The following TENM3 variants were observed in gnomAD, a reference collection of about 807,000 sequenced individuals.
The protein encoded by TENM3 is teneurin-3.
TENM3 carries 63 observed loss-of-function variants against 255.1 expected under a neutral mutation model. The observed-to-expected ratio is 0.25, with a 90% CI of 0.20 to 0.30. The LOEUF (loss-of-function observed/expected upper bound fraction) is 0.30, where lower values mean the gene tolerates loss of function less well. TENM3 is among the 10% of genes least tolerant of loss of function. TENM3 has a pLI of 1.00. For synonymous variants in TENM3, 1,306 were observed against 1,322.3 expected (o/e 0.99, Z 0.27); for missense variants, 2,929 against 3,461.1 (o/e 0.85, Z 3.86).
At chr4:182,281,057 T>C (rs1760352463) in intron 1 of TENM3, among the ~76,000 whole-genome samples, 1 of 152,190 alleles carries the variant, frequency 6.6e-6, no homozygotes, top group African/African-American at 2.4e-5. Flanking sequence ...ACTCCTCCTG[T>C]TCCCCTTTAA....
the TENM3 span, among the ~76,000 whole-genome samples, chr4:181,700,432 G>A: frequency 6.6e-6 from 1 of 152,120 alleles, no homozygotes; most frequent in Non-Finnish European, 1.5e-5. Context: ...TATAAGGGGA[G>A]GAGAAAATAT....
chr4:182,066,057 C>G, the TENM3 span, among the ~76,000 whole-genome samples: 1 of 152,078 alleles, frequency 6.6e-6, no homozygotes, highest in East Asian at 1.9e-4. Flanking sequence ...CTACGTTTAA[C>G]TTTTTGATGA....
At chr4:182,774,887 T>C in intron 23 of TENM3, 31 bp from the exon 24 acceptor site, 1 of 1,489,536 alleles carries the variant, frequency 6.7e-7, no homozygotes, top group Non-Finnish European at 9.3e-7. Flanking sequence ...CCATATCTAA[T>C]AGTTCATGTT....
intron 1 of TENM3, among the ~76,000 whole-genome samples, chr4:182,181,991 A>G (rs1045706660): frequency 6.6e-6 from 1 of 152,114 alleles, no homozygotes; most frequent in Admixed American, 6.5e-5. Context: ...GCACATGCCC[A>G]TATGTTCAGG....
chr4:181,849,715 C>T, the TENM3 span, among the ~76,000 whole-genome samples: 1 of 152,070 alleles, frequency 6.6e-6, no homozygotes, highest in Non-Finnish European at 1.5e-5. Flanking sequence ...ATTATACAGA[C>T]ATCATTGGAA....
the TENM3 span, among the ~76,000 whole-genome samples, chr4:181,892,457 A>G: frequency 5.9e-5 from 9 of 152,250 alleles, no homozygotes; most frequent in African/African-American, 1.9e-4. Flanking sequence ...CATGTATTCC[A>G]TTTGTTAAAA....
At chr4:181,825,661 A>G in the TENM3 span, among the ~76,000 whole-genome samples, 4 of 152,214 alleles carry the variant, frequency 2.6e-5, no homozygotes, top group Non-Finnish European at 5.9e-5. Context: ...TTCTATTGAC[A>G]GTAAAATACC....
chr4:182,484,717 T>C (rs948440876), intron 3 of TENM3, among the ~76,000 whole-genome samples: 15 of 152,176 alleles, frequency 9.9e-5, no homozygotes, highest in African/African-American at 3.6e-4. Context: ...TTAAAAGTTA[T>C]GCAAATTGGT....
At chr4:182,316,773 T>C (rs1762774199) in intron 1 of TENM3, among the ~76,000 whole-genome samples, 1 of 152,144 alleles carries the variant, frequency 6.6e-6, no homozygotes, top group African/African-American at 2.4e-5. Flanking sequence ...GAATTCTTTC[T>C]CCAAGTGGCT....
chr4:181,831,503 A>AC, the TENM3 span, among the ~76,000 whole-genome samples: 1 of 151,894 alleles, frequency 6.6e-6, no homozygotes. Flanking sequence ...ATGTGCCAAA[A>AC]AAAAAAAAAC....
intron 18 of TENM3, among the ~76,000 whole-genome samples, chr4:182,741,659 A>G (rs1761615363): frequency 6.6e-6 from 1 of 152,240 alleles, no homozygotes; most frequent in Admixed American, 6.5e-5. Context: ...CTTAGATATC[A>G]CTAATGCATT....
At chr4:182,358,438 C>T (rs935140641) in intron 3 of TENM3, among the ~76,000 whole-genome samples, 1 of 151,972 alleles carries the variant, frequency 6.6e-6, no homozygotes, top group Non-Finnish European at 1.5e-5. Context: ...CTTCACATCC[C>T]TTGTAAGGTG....
At chr4:181,624,742 A>T in the TENM3 span, among the ~76,000 whole-genome samples, 3 of 152,162 alleles carry the variant, frequency 2.0e-5, no homozygotes, top group African/African-American at 7.2e-5. Flanking sequence ...AATAAGCACA[A>T]TTGACTTGCC....
chr4:181,938,891 G>C, the TENM3 span, among the ~76,000 whole-genome samples: 7 of 152,158 alleles, frequency 4.6e-5, no homozygotes, highest in African/African-American at 1.4e-4. Flanking sequence ...AGGGCTTTTG[G>C]AAAAGGCTCA....
At chr4:182,389,100 T>C (rs540775721) in intron 3 of TENM3, among the ~76,000 whole-genome samples, 2 of 152,340 alleles carry the variant, frequency 1.3e-5, no homozygotes, top group South Asian at 2.1e-4. Flanking sequence ...TCCCACATCA[T>C]TAATATGTCA....
the TENM3 span, among the ~76,000 whole-genome samples, chr4:182,052,054 C>T: frequency 6.6e-6 from 1 of 152,072 alleles, no homozygotes; most frequent in Admixed American, 6.6e-5. Context: ...GTAGGGGATG[C>T]TATTAAACAT....
chr4:182,660,585 C>T (rs1014926301), intron 6 of TENM3, among the ~76,000 whole-genome samples: 1 of 152,176 alleles, frequency 6.6e-6, no homozygotes, highest in Non-Finnish European at 1.5e-5. Context: ...TAATTCATAG[C>T]AAAATTTTAA....
At chr4:181,496,370 A>G in the TENM3 span, among the ~76,000 whole-genome samples, 1 of 152,156 alleles carries the variant, frequency 6.6e-6, no homozygotes, top group African/African-American at 2.4e-5. Flanking sequence ...TCATCCATGC[A>G]TTACTTTGAT....
the TENM3 span, among the ~76,000 whole-genome samples, chr4:181,926,919 T>A: frequency 6.6e-6 from 1 of 151,698 alleles, no homozygotes; most frequent in East Asian, 2.0e-4. Context: ...GTCTGGGAAC[T>A]CCCTCCCCTA....
Sources: gnomAD v4.1 joint callset for allele counts (sites outside exome capture counted in the v4.1 genomes callset) on GRCh38, gnomAD v4.1.1 for gene constraint, MANE v1.5 for transcripts, NCBI Gene and HGNC (gene_info 2026-07-23, HGNC 2026-07-21) for gene names.